The following C12orf76 variants were observed in gnomAD, a reference collection of about 807,000 sequenced individuals.
C12orf76 encodes the protein chromosome 12 open reading frame 76.
Under a neutral mutation model 6.8 loss-of-function variants are expected in C12orf76, and 6 were observed. The observed-to-expected ratio is 0.88, with a 90% CI of 0.48 to 1.73. C12orf76 has a LOEUF of 1.73. C12orf76 is among the 40% of genes most tolerant of loss of function. The pLI, the probability that C12orf76 is intolerant of heterozygous loss-of-function variation, is 0.01. For missense variants in C12orf76, 99 were observed against 98.2 expected, an observed-to-expected ratio of 1.01 and a Z score of -0.03; for synonymous variants, 56 against 43.7, an observed-to-expected ratio of 1.28 and a Z score of -1.11.
intron 1 of C12orf76, among the ~76,000 whole-genome samples, chr12:110,048,049 A>T (rs1046855179): frequency 6.6e-6 from 1 of 152,036 alleles, no homozygotes; most frequent in Non-Finnish European, 1.5e-5. Context: ...AAAAATACAA[A>T]AATTAGCCAA....
upstream of C12orf76, among the ~76,000 whole-genome samples, chr12:110,052,538 C>T (rs564828423): frequency 6.6e-6 from 1 of 152,160 alleles, no homozygotes; most frequent in African/African-American, 2.4e-5. Context: ...GTGCCAAGTG[C>T]TCTACATGCA....
chr12:110,043,244 G>A (rs1484858170), intron 1 of C12orf76, among the ~76,000 whole-genome samples: 6 of 152,184 alleles, frequency 3.9e-5, no homozygotes, highest in Admixed American at 3.9e-4. Context: ...CAGGAAATCA[G>A]GCCAGAAAGG....
At chr12:110,065,713 G>A (rs1892847313) in intron 2 of C12orf76, 2 of 1,359,448 alleles carry the variant, frequency 1.5e-6, no homozygotes, top group Admixed American at 1.7e-5. Context: ...GCTCTGCACA[G>A]TGGCCCATGA....
At position 110,056,742 on chromosome 12, in the gene C12orf76, C is replaced by A. The variant is rs1029473064; in HGVS notation, n.664+447G>T. Among the ~76,000 whole-genome samples, 20 of 152,084 alleles carry A rather than the reference C, an allele frequency of 1.3e-4. 1 individual carries two copies. ...AATTCCCACATGTTGTAGGAGGGACCTGGTGGGAGATAGTGACTAAGTCTT... is the reference window on the plus strand; with the variant it reads ...AATTCCCACATGTTGTAGGAGGGACATGGTGGGAGATAGTGACTAAGTCTT... On this transcript the variant is annotated intron_variant and non_coding_transcript_variant, in intron 4 of 4. Coordinates refer to the C12orf76 transcript ENST00000309050.
chr12:110,073,284 C>A (rs1034609903), intron 1 of C12orf76: 4 of 433,280 alleles, frequency 9.2e-6, no homozygotes, highest in African/African-American at 8.1e-5. Context: ...TTCCTCCCTC[C>A]CGCCCGGTTT....
chr12:110,050,425 C>T (rs1204825337), upstream of C12orf76: 1 of 153,750 alleles, frequency 6.5e-6, no homozygotes, highest in Non-Finnish European at 1.4e-5. Context: ...GGGCTGAATT[C>T]CCAGACGGTT....
chr12:110,070,258 A>AAAAAG (rs1227542940), upstream of C12orf76, among the ~76,000 whole-genome samples: 5 of 149,032 alleles, frequency 3.4e-5, no homozygotes, highest in African/African-American at 9.9e-5. Flanking sequence ...AAAGAAAAAG[A>AAAAAG]AAAAGAAAAG....
intron 1 of C12orf76, among the ~76,000 whole-genome samples, chr12:110,045,696 C>T (rs1179119373): frequency 6.6e-6 from 1 of 152,206 alleles, no homozygotes; most frequent in Non-Finnish European, 1.5e-5. Context: ...CAGCGGCTCA[C>T]ACCTGTAATG....
chr12:110,058,678 A>AG (rs1426682270), intron 3 of C12orf76, among the ~76,000 whole-genome samples: 1 of 152,110 alleles, frequency 6.6e-6, no homozygotes, highest in East Asian at 1.9e-4. Flanking sequence ...TCCAAAAAAA[A>AG]GAAAAGAAAG....
upstream of C12orf76, among the ~76,000 whole-genome samples, chr12:110,068,121 T>C (rs1448999545): frequency 6.6e-6 from 1 of 151,662 alleles, no homozygotes; most frequent in Non-Finnish European, 1.5e-5. Context: ...GGAGAATCGT[T>C]TGAACCCGGG....
intron 3 of C12orf76, among the ~76,000 whole-genome samples, chr12:110,058,065 C>CAAAAAAAA (rs59838926): frequency 7.6e-5 from 4 of 52,664 alleles, no homozygotes; most frequent in Non-Finnish European, 1.4e-4. Context: ...GACTCGGTCT[C>CAAAAAAAA]AAAAAAAAAA....
chr12:110,052,194 C>G (rs548780143), upstream of C12orf76, among the ~76,000 whole-genome samples: 2 of 149,628 alleles, frequency 1.3e-5, no homozygotes, highest in African/African-American at 2.5e-5. Context: ...CCGTGCCCGG[C>G]CTTCTTTTTT....
At chr12:110,070,292 G>T (rs986408715), upstream of C12orf76, among the ~76,000 whole-genome samples, 1 of 146,244 alleles carries the variant, frequency 6.8e-6, no homozygotes, top group Non-Finnish European at 1.5e-5. Flanking sequence ...GGTCAGGAAC[G>T]GTGGTTCACA....
At chr12:110,045,223 A>G (rs545226964) in intron 1 of C12orf76, among the ~76,000 whole-genome samples, 5 of 152,180 alleles carry the variant, frequency 3.3e-5, no homozygotes, top group African/African-American at 7.2e-5. Context: ...TTGGACTACA[A>G]TTGGACTTAA....
chr12:110,073,428 T>C lies in C12orf76; in HGVS notation n.207A>G, dbSNP rs534662452. ...CTCCCTGCATCCCACTTACCTAACA[T>C]AGGAAAAGACGATCACGTGGAAGAA... On this transcript the variant is annotated non_coding_transcript_exon_variant, in exon 1 of 2. Transcript: ENST00000548936. 1.1e-5 allele frequency: 6 copies of C among 522,712 alleles called. No homozygotes were observed. In the East Asian group the frequency reaches 1.6e-4, roughly 14 times the overall value. 32.4% of individuals were successfully genotyped at this position (522,712 alleles called of 1,614,324 possible).
chr12:110,048,536 C>G, upstream of C12orf76: 1 of 1,376,986 alleles, frequency 7.3e-7, no homozygotes, highest in African/African-American at 1.5e-5. Context: ...ACTTCCGTCG[C>G]AAGCCCTGCC....
At chr12:110,073,306 A>T (rs2044087371) in intron 1 of C12orf76, 8 of 448,180 alleles carry the variant, frequency 1.8e-5, no homozygotes, top group Middle Eastern at 7.2e-4. Context: ...CTGTGAAAGC[A>T]CGTCCAAATT....
upstream of C12orf76, chr12:110,050,595 C>A: frequency 5.2e-6 from 1 of 191,390 alleles, no homozygotes; most frequent in Non-Finnish European, 1.1e-5. Flanking sequence ...TGCTACACTC[C>A]CAGCAGCGCC....
intron 2 of C12orf76, among the ~76,000 whole-genome samples, chr12:110,064,732 G>A (rs912356294): frequency 6.6e-6 from 1 of 151,928 alleles, no homozygotes; most frequent in Non-Finnish European, 1.5e-5. Context: ...TCGCCTTCTC[G>A]GCCACTGTAC....
Sources: gnomAD v4.1 joint callset for allele counts (sites outside exome capture counted in the v4.1 genomes callset) on GRCh38, gnomAD v4.1.1 for gene constraint, MANE v1.5 for transcripts, NCBI Gene and HGNC (gene_info 2026-07-23, HGNC 2026-07-21) for gene names.